Variants in ADARB2 observed in about 807,000 individuals in gnomAD.
ADARB2 encodes inactive double-stranded RNA-specific editase B2.
In ADARB2, 25 loss-of-function variants were observed where a neutral mutation model predicts 62.2. That is an observed-to-expected ratio of 0.40 (90% CI 0.29 to 0.56). The LOEUF is 0.56. Ranked by LOEUF, ADARB2 falls within the 20% of genes least tolerant of loss-of-function variation. The pLI is 0.43. For synonymous variants in ADARB2, 572 were observed against 500.8 expected (o/e 1.14, Z -1.90); for missense variants, 1,071 against 1,077.4 (o/e 0.99, Z 0.08).
intron 1 of ADARB2, among the ~76,000 whole-genome samples, chr10:1,444,436 A>AC (rs1830942315): frequency 6.6e-6 from 1 of 150,564 alleles, no homozygotes; most frequent in African/African-American, 2.4e-5. Context: ...CCACCCACCC[A>AC]TCCATCCATT....
In ADARB2 at chr10:1,638,037, G is replaced by A. The variant is rs1008718053; in HGVS notation, c.100+99014C>T. 5.3e-5 allele frequency among the ~76,000 whole-genome samples: 8 copies of A among 152,190 alleles called. No homozygotes were observed. The South Asian group carries it at 8.3e-4, about 16-fold the overall frequency. The stretch of plus-strand genomic sequence containing the variant: ...AATGGGTCTTGGGTGGCTGGGAGGA[G>A]ATGCTCCAGGCTGTTTTCCACATGG... On this transcript the variant is annotated intron_variant, in intron 1 of 9. Transcript: ENST00000381312.
chr10:1,449,804 C>T (rs1161215692), intron 1 of ADARB2, among the ~76,000 whole-genome samples: 1 of 152,224 alleles, frequency 6.6e-6, no homozygotes, highest in Non-Finnish European at 1.5e-5. Context: ...CACTCAATGG[C>T]TAAATTAAGG....
chr10:1,460,083 G>T (rs71500106), intron 1 of ADARB2, among the ~76,000 whole-genome samples: 1 of 24,612 alleles, frequency 4.1e-5, no homozygotes, highest in Admixed American at 4.9e-4. Context: ...CCTGCGTAAC[G>T]AACCTGCCTG....
chr10:1,326,852 C>CTGGTAGCACCG (rs1564257886), intron 3 of ADARB2, among the ~76,000 whole-genome samples: 1 of 59,866 alleles, frequency 1.7e-5, no homozygotes, highest in Non-Finnish European at 4.0e-5. Context: ...CCCAGCGCCT[C>CTGGTAGCACCG]CCCACTGCCC....
intron 1 of ADARB2, among the ~76,000 whole-genome samples, chr10:1,497,968 T>A (rs1003104659): frequency 6.6e-6 from 1 of 151,996 alleles, no homozygotes; most frequent in Non-Finnish European, 1.5e-5. Context: ...AAATGAACAT[T>A]TCTGGGTGGC....
intron 3 of ADARB2, among the ~76,000 whole-genome samples, chr10:1,283,361 T>A (rs1460444735): frequency 2.6e-5 from 4 of 152,248 alleles, no homozygotes; most frequent in Non-Finnish European, 5.9e-5. Context: ...CAATTAATCC[T>A]CATAAACCAC....
chr10:1,591,972 G>A (rs540640820), intron 1 of ADARB2, among the ~76,000 whole-genome samples: 8 of 152,318 alleles, frequency 5.3e-5, no homozygotes, highest in Admixed American at 1.3e-4. Flanking sequence ...TGTGGACAGC[G>A]GCTCTCAGGC....
chr10:1,189,369 G>T (rs1363359720), intron 8 of ADARB2, among the ~76,000 whole-genome samples: 1 of 151,998 alleles, frequency 6.6e-6, no homozygotes, highest in African/African-American at 2.4e-5. Context: ...TCCTGGCCGT[G>T]GAGAAGTGGG....
chr10:1,687,459 C>T (rs188442162), intron 1 of ADARB2, among the ~76,000 whole-genome samples: 50 of 152,054 alleles, frequency 3.3e-4, no homozygotes, highest in Admixed American at 8.5e-4. Context: ...ATCTTTGGGA[C>T]TTGATTGGAT....
intron 1 of ADARB2, among the ~76,000 whole-genome samples, chr10:1,661,417 C>T (rs1834246512): frequency 6.6e-6 from 1 of 152,202 alleles, no homozygotes; most frequent in South Asian, 2.1e-4. Context: ...ATCTCATCTC[C>T]CAATAGAGGA....
chr10:1,184,983 A>G lies in ADARB2; in HGVS notation c.1921T>C (p.Trp641Arg). 6.2e-7 allele frequency: 1 copy of G among 1,613,716 alleles called. No homozygotes were observed. Among genetic ancestry groups the G allele is most frequent in the Non-Finnish European group, 8.5e-7 (1 of 1,179,996 alleles). ...PGKSPPFSMN[W>R]VVGSADLEII... ...TCCAGGTCCGCGCTGCCCACGACCC[A>G]GTTCATGCTGAAGGGGGGCGACTTC... Residue 641 changes from tryptophan (W) to arginine (R), a missense_variant, in exon 9 of 10, where the codon TGG becomes CGG. Transcript: ENST00000381312.
chr10:1,352,167 A>G (rs11517315), intron 3 of ADARB2, among the ~76,000 whole-genome samples: 77,177 of 151,218 alleles, frequency 0.51, 20,196 homozygotes, highest in Middle Eastern at 0.58. Flanking sequence ...CTATCTTGTC[A>G]TAATTCTCAT....
In ADARB2 at chr10:1,679,798, G is replaced by A. The variant is rs778247994; in HGVS notation, c.100+57253C>T. On this transcript the variant is annotated intron_variant, in intron 1 of 9. Transcript: ENST00000381312. ...CGACTGGATCGCTTGGGCTCAACAC[G>A]GAAACTGAGTGCAGGGGATGCCTGC... Among the ~76,000 whole-genome samples, 276 of 152,298 alleles carry A rather than the reference G, an allele frequency of 1.8e-3. 6 individuals are homozygous for A. Among genetic ancestry groups the A allele is most frequent in the Non-Finnish European group, 3.5e-4 (24 of 68,024 alleles).
chr10:1,641,119 A>G (rs1220018380), intron 1 of ADARB2, among the ~76,000 whole-genome samples: 1 of 152,256 alleles, frequency 6.6e-6, no homozygotes, highest in Admixed American at 6.5e-5. Flanking sequence ...TATTAAAAAT[A>G]TCTGTAATGG....
intron 6 of ADARB2, among the ~76,000 whole-genome samples, chr10:1,227,215 A>C (rs1230117149): frequency 2.0e-5 from 3 of 152,214 alleles, no homozygotes; most frequent in Non-Finnish European, 2.9e-5. Flanking sequence ...CCAGGTGTGG[A>C]ATATAATCTC....
chr10:1,312,643 T>G (rs916015387), intron 3 of ADARB2, among the ~76,000 whole-genome samples: 3 of 152,230 alleles, frequency 2.0e-5, no homozygotes, highest in African/African-American at 7.2e-5. Context: ...AGGTAGGCGC[T>G]GCCACGTTTC....
At chr10:1,712,304 T>C (rs1487249886) in intron 1 of ADARB2, among the ~76,000 whole-genome samples, 1 of 152,216 alleles carries the variant, frequency 6.6e-6, no homozygotes, top group Non-Finnish European at 1.5e-5. Flanking sequence ...TGCAACAGTT[T>C]ATTATGTAAA....
intron 3 of ADARB2, among the ~76,000 whole-genome samples, chr10:1,324,330 G>A (rs1315159050): frequency 1.3e-5 from 2 of 152,124 alleles, no homozygotes; most frequent in African/African-American, 2.4e-5. Flanking sequence ...CTGGAGGGAT[G>A]TTTATTATTA....
chr10:1,583,334 A>G (rs1833132058), intron 1 of ADARB2, among the ~76,000 whole-genome samples: 1 of 152,242 alleles, frequency 6.6e-6, no homozygotes, highest in African/African-American at 2.4e-5. Flanking sequence ...TTGAGAATCT[A>G]CAGAGCTTTG....
Sources: allele counts gnomAD v4.1 joint callset (sites outside exome capture counted in the v4.1 genomes callset), GRCh38; gene constraint gnomAD v4.1.1; transcripts MANE v1.5; gene names NCBI Gene and HGNC (gene_info 2026-07-23, HGNC 2026-07-21).